PACRG: variants seen among roughly 807,000 people sequenced by gnomAD.
PACRG encodes the protein parkin coregulated, also known as parkin coregulated gene protein.
PACRG carries 29 observed loss-of-function variants against 29.7 expected under a neutral mutation model. The ratio of observed to expected loss-of-function variants is 0.98; its 90% CI spans 0.73 to 1.33. The LOEUF (loss-of-function observed/expected upper bound fraction) is 1.33, where lower values mean the gene tolerates loss of function less well. Among genes scored for constraint, PACRG ranks in the 40% most tolerant of loss-of-function variants. PACRG has a pLI of 0.00. For synonymous variants in PACRG, 116 were observed against 118.7 expected, an observed-to-expected ratio of 0.98 and a Z score of 0.15; for missense variants, 279 against 316.2, an observed-to-expected ratio of 0.88 and a Z score of 0.89.
chr6:162,870,783 A>G (rs1792738455), intron 2 of PACRG, among the ~76,000 whole-genome samples: 1 of 152,222 alleles, frequency 6.6e-6, no homozygotes, highest in African/African-American at 2.4e-5. Context: ...TTCTGATATA[A>G]TAAAGGCCAA....
In PACRG at chr6:163,315,212, T is replaced by C; in HGVS notation, c.*225T>C. The C allele has an allele frequency of 2.3e-6, 1 of 432,868 alleles. No individual in the cohort carries two copies. Among genetic ancestry groups the C allele is most frequent in the Non-Finnish European group, 4.0e-6 (1 of 250,506 alleles). 26.8% of individuals were successfully genotyped at this position (432,868 alleles called of 1,614,324 possible). A position where few individuals can be genotyped will look rare whatever the true frequency, so the allele number is the denominator to read the frequency against. On this transcript the variant is annotated 3_prime_UTR_variant, in exon 5 of 5. Coordinates refer to ENST00000366888, the MANE Select transcript of PACRG (RefSeq NM_001080379.2). The stretch of plus-strand genomic sequence containing the variant: ...ACAATAGTGTACTGTGCTTATTTGT[T>C]CTAAGAGAAGAATTGCTTCTTTATA...
chr6:163,029,777 G>A (rs1585041903), intron 2 of PACRG, among the ~76,000 whole-genome samples: 3 of 152,170 alleles, frequency 2.0e-5, no homozygotes, highest in Admixed American at 2.0e-4. Context: ...TCGGAGCAGA[G>A]GGTACTTGAT....
chr6:163,195,390 C>T (rs897168738), intron 4 of PACRG, among the ~76,000 whole-genome samples: 1 of 152,162 alleles, frequency 6.6e-6, no homozygotes, highest in African/African-American at 2.4e-5. Flanking sequence ...ACTTCCAAGA[C>T]TATCTCCTCA....
At chr6:163,029,515 T>TGTTGTGCTAAACAAATCTG (rs1439475362) in intron 2 of PACRG, among the ~76,000 whole-genome samples, 1 of 152,162 alleles carries the variant, frequency 6.6e-6, no homozygotes, top group African/African-American at 2.4e-5. Flanking sequence ...ATAAAGATAG[T>TGTTGTGCTAAACAAATCTG]GTTGTGCTAA....
chr6:163,214,119 A>T (rs1781267038), intron 4 of PACRG, among the ~76,000 whole-genome samples: 1 of 152,344 alleles, frequency 6.6e-6, no homozygotes, highest in Non-Finnish European at 1.5e-5. Context: ...AACCGTCTAC[A>T]ATGATGAAAA....
Position 163,094,600 on chromosome 6 carries a change from T to C in PACRG, c.613+5192T>C, listed in dbSNP as rs1468914146. Among the ~76,000 whole-genome samples the C allele has an allele frequency of 1.3e-5, 2 of 152,164 alleles. 1 individual carries two copies. Among genetic ancestry groups the C allele is most frequent in the African/African-American group, 4.8e-5 (2 of 41,422 alleles). On this transcript the variant is annotated intron_variant, in intron 4 of 4. Coordinates refer to ENST00000366888, the MANE Select transcript of PACRG (RefSeq NM_001080379.2). ...AACCATTACTTCCACGAAGGCAAAA[T>C]GTTTGTGTTGGTCTTTCCTTTTCTT...
intron 2 of PACRG, among the ~76,000 whole-genome samples, chr6:163,005,661 AT>A (rs1028609537): frequency 1.3e-5 from 2 of 148,852 alleles, no homozygotes; most frequent in Non-Finnish European, 3.0e-5. Context: ...TATTAAATTT[AT>A]TTGTTTACAA....
intron 4 of PACRG, chr6:163,166,162 A>G (rs1274013736): frequency 2.2e-6 from 1 of 456,176 alleles, no homozygotes; most frequent in Admixed American, 2.3e-5. Context: ...GCACATGTGA[A>G]AGGGTTTTGT....
At chr6:163,192,846 G>C in intron 4 of PACRG, among the ~76,000 whole-genome samples, 1 of 152,184 alleles carries the variant, frequency 6.6e-6, no homozygotes, top group East Asian at 1.9e-4. Context: ...GCAGACATCT[G>C]TGACGTCCTG....
chr6:163,126,138 G>A (rs1456057270), intron 4 of PACRG, among the ~76,000 whole-genome samples: 1 of 152,214 alleles, frequency 6.6e-6, no homozygotes, highest in Non-Finnish European at 1.5e-5. Flanking sequence ...TAACTGTGAT[G>A]ATTCTTTGGG....
At chr6:163,175,785 C>G (rs988314932) in intron 4 of PACRG, among the ~76,000 whole-genome samples, 1 of 118,934 alleles carries the variant, frequency 8.4e-6, no homozygotes, top group Non-Finnish European at 1.8e-5. Context: ...AGGAGGAGCT[C>G]TGCTTCTCAG....
chr6:162,831,593 C>A (rs1003648833), intron 2 of PACRG, among the ~76,000 whole-genome samples: 2 of 152,154 alleles, frequency 1.3e-5, no homozygotes, highest in Admixed American at 6.5e-5. Context: ...CACCTATCAA[C>A]CCAGCACCTA....
At chr6:163,064,235 C>T (rs768931359) in intron 3 of PACRG, among the ~76,000 whole-genome samples, 1 of 152,106 alleles carries the variant, frequency 6.6e-6, no homozygotes, top group Non-Finnish European at 1.5e-5. Flanking sequence ...GCATACCACA[C>T]TGGAGTTTTG....
At chr6:162,729,837 T>C (rs1779614118) in intron 1 of PACRG, among the ~76,000 whole-genome samples, 1 of 152,104 alleles carries the variant, frequency 6.6e-6, no homozygotes, top group African/African-American at 2.4e-5. Flanking sequence ...ATCTGATGTT[T>C]CTGTATTGCC....
At chr6:162,763,000 G>A (rs1280819939) in intron 1 of PACRG, among the ~76,000 whole-genome samples, 1 of 152,204 alleles carries the variant, frequency 6.6e-6, no homozygotes. Context: ...TCAAATGCAC[G>A]TGGGTTATGT....
intron 1 of PACRG, among the ~76,000 whole-genome samples, chr6:162,761,200 G>A (rs1782329541): frequency 6.6e-6 from 1 of 152,158 alleles, no homozygotes; most frequent in Non-Finnish European, 1.5e-5. Flanking sequence ...CCCAAGCAAA[G>A]CCATTTAGCT....
At chr6:162,981,222 C>CT (rs1802392891) in intron 2 of PACRG, among the ~76,000 whole-genome samples, 1 of 151,188 alleles carries the variant, frequency 6.6e-6, no homozygotes, top group South Asian at 2.1e-4. Context: ...TATTTCATTC[C>CT]TTTTGATGGC....
chr6:162,770,736 A>G (rs1263696933), intron 1 of PACRG, among the ~76,000 whole-genome samples: 2 of 152,178 alleles, frequency 1.3e-5, no homozygotes, highest in Non-Finnish European at 2.9e-5. Flanking sequence ...AATGAGCTAA[A>G]TAATAAGAAA....
chr6:163,207,870 G>A (rs796922950), intron 4 of PACRG, among the ~76,000 whole-genome samples: 25 of 152,224 alleles, frequency 1.6e-4, no homozygotes, highest in South Asian at 1.0e-3. Context: ...AATATTCAGC[G>A]CAATAGAATA....
Sources: gnomAD v4.1 joint callset for allele counts (sites outside exome capture counted in the v4.1 genomes callset) on GRCh38, gnomAD v4.1.1 for gene constraint, MANE v1.5 for transcripts, NCBI Gene and HGNC (gene_info 2026-07-23, HGNC 2026-07-21) for gene names.